MED23: variants seen among roughly 807,000 people sequenced by gnomAD.
MED23 encodes mediator of RNA polymerase II transcription subunit 23.
Under a neutral mutation model 163.9 loss-of-function variants are expected in MED23, and 105 were observed. The observed-to-expected ratio is 0.64, with a 90% confidence interval of 0.55 to 0.75. MED23 has a LOEUF of 0.75. Ranked by LOEUF, MED23 falls within the 30% of genes least tolerant of loss-of-function variation. The pLI, the probability that MED23 is intolerant of heterozygous loss-of-function variation, is 0.00. For synonymous variants in MED23, 561 were observed against 565.6 expected (o/e 0.99, Z 0.12); for missense variants, 1,054 against 1,649.0 (o/e 0.64, Z 6.25).
intron 10 of MED23, among the ~76,000 whole-genome samples, chr6:131,613,526 C>T (rs1309284616): frequency 6.6e-6 from 1 of 152,070 alleles, no homozygotes; most frequent in Non-Finnish European, 1.5e-5. Context: ...GATAAGATGA[C>T]TTGGTTATCT....
At chr6:131,593,990 A>T (rs1774850662) in intron 23 of MED23, 109 bp downstream of exon 23, 1 of 945,088 alleles carries the variant, frequency 1.1e-6, no homozygotes, top group Non-Finnish European at 1.6e-6. Context: ...ATCTTAAAAA[A>T]AATTAAAACC....
rs1776964777 is a variant in MED23, at chr6:131,619,904, G to C, written c.598-8C>G. 3 of 1,592,256 alleles carry C rather than the reference G, an allele frequency of 1.9e-6. No individual in the cohort carries two copies. Among genetic ancestry groups the C allele is most frequent in the Non-Finnish European group, 2.6e-6 (3 of 1,161,366 alleles). On this transcript the variant is annotated splice_region_variant and splice_polypyrimidine_tract_variant and intron_variant, in intron 7 of 28. Transcript: ENST00000368068. ...TACTAGGTTTCCAAGTAACTAAAGA[G>C]AGAAAGAAAGAGGGAAGTCAAATAA...
At position 131,592,856 on chromosome 6, in the gene MED23, A is replaced by G. The variant is rs1774749164; in HGVS notation, c.3398+150T>C. 6.4e-6 allele frequency: 6 copies of G among 941,424 alleles called. No homozygotes were observed. In the African/African-American group the frequency reaches 9.8e-5, roughly 15 times the overall value. The allele number at this position is 941,424 out of a possible 1,614,324, so 58.3% of individuals were successfully genotyped here. Reference sequence around the variant, plus strand: ...CCAGGGCTCATTCCATAACTCCTATATCACAAAGACAAGATCTGGAACCAG... The same window carrying G: ...CCAGGGCTCATTCCATAACTCCTATGTCACAAAGACAAGATCTGGAACCAG... On this transcript the variant is annotated intron_variant, in intron 24 of 28. Coordinates refer to ENST00000368068, the MANE Select transcript of MED23 (RefSeq NM_004830.4).
In MED23 at chr6:131,598,766, A is replaced by C; in HGVS notation, c.2221-5T>G. ...ATTATTTTGTTTGAAGAATGCCTAA[A>C]AAGAGGATTAGAAGTTTATTTCATT... is the stretch of plus-strand genomic sequence containing the variant. On this transcript the variant is annotated splice_region_variant and splice_polypyrimidine_tract_variant and intron_variant, in intron 18 of 28. Coordinates refer to ENST00000368068, the MANE Select transcript of MED23 (RefSeq NM_004830.4). The surrounding 1 kb of genome is among the most constrained non-coding windows in gnomAD (Gnocchi z 4.7). 6.2e-7 allele frequency: 1 copy of C among 1,612,748 alleles called. No homozygotes were observed. Among genetic ancestry groups the C allele is most frequent in the South Asian group, 1.1e-5 (1 of 91,058 alleles).
chr6:131,620,432 T>C (rs993605109), intron 7 of MED23, among the ~76,000 whole-genome samples, 196 bp downstream of exon 7: 12 of 152,218 alleles, frequency 7.9e-5, no homozygotes, highest in South Asian at 4.1e-4. Context: ...GCTATAGGCA[T>C]GTGCTACTAT....
At position 131,598,490 on chromosome 6, in the gene MED23, T is replaced by C. The variant is rs1585487368; in HGVS notation, c.2427-23A>G. ...ACTCTGGAAGGCAGAGAGTAAAACA[T>C]AAACTCCATTGTTGTATGGATACAA... On this transcript the variant is annotated intron_variant, in intron 19 of 28. Transcript: ENST00000368068. The surrounding 1 kb of genome is among the most constrained non-coding windows in gnomAD (Gnocchi z 4.7). The C allele has an allele frequency of 6.2e-7, 1 of 1,614,054 alleles. No individual in the cohort carries two copies. The highest frequency in any genetic ancestry group is 2.2e-5 in the East Asian group (1 of 44,846).
At chr6:131,615,079 A>G (rs1004133287) in intron 10 of MED23, among the ~76,000 whole-genome samples, 1 of 148,862 alleles carries the variant, frequency 6.7e-6, no homozygotes, top group Non-Finnish European at 1.5e-5. Flanking sequence ...AAAAAAAAAA[A>G]AAAAAAGAAA....
At position 131,591,463 on chromosome 6, in the gene MED23, G is replaced by A; in HGVS notation, c.3536C>T (p.Ser1179Phe). 6.2e-7 allele frequency: 1 copy of A among 1,613,944 alleles called. No homozygotes were observed. Among genetic ancestry groups the A allele is most frequent in the South Asian group, 1.1e-5 (1 of 91,078 alleles). Residue 1179 changes from serine (S) to phenylalanine (F), a missense_variant, in exon 26 of 29, where the codon TCT becomes TTT. Around this residue, in one of 11 missense-constraint regions of MED23, gnomAD observed 362 missense variants for 471.6 expected, o/e 0.77. Transcript: ENST00000368068. ...VSVISSPSLT[S>F]ETEWVGYPFR... ...TGGATAGCCAACCCACTCTGTTTCA[G>A]ACGTCAAGCTGGGGCTGCTGATGAC...
intron 6 of MED23, among the ~76,000 whole-genome samples, chr6:131,621,275 T>A (rs1415322795): frequency 2.0e-5 from 3 of 152,106 alleles, no homozygotes; most frequent in Admixed American, 1.3e-4. Context: ...AACGATATAG[T>A]GTATACTTCA....
In MED23 at chr6:131,593,947, T is replaced by C. The variant is rs1774846874; in HGVS notation, c.3232+152A>G. ...TTGGCATGATGCTGTTAATTTAAGA[T>C]TTCAAATCTTTACAGAGATGAAAAT... On this transcript the variant is annotated intron_variant, in intron 23 of 28. Coordinates refer to ENST00000368068, the MANE Select transcript of MED23 (RefSeq NM_004830.4). 5 of 649,120 alleles carry C rather than the reference T, an allele frequency of 7.7e-6. No individual in the cohort carries two copies. In the East Asian group the frequency reaches 1.4e-4, roughly 18 times the overall value. 40.2% of individuals were successfully genotyped at this position (649,120 alleles called of 1,614,324 possible).
intron 30 of MED23, chr6:131,579,397 T>TATC: frequency 7.7e-7 from 1 of 1,292,166 alleles, no homozygotes; most frequent in Non-Finnish European, 1.1e-6. Context: ...CTATATTTTA[T>TATC]ATCAAATTTT....
rs796051923 is a variant in MED23 at position 131,579,250 on chromosome 6, CG to C, written c.4096-4956del. The C allele has an allele frequency of 6.2e-7, 1 of 1,613,920 alleles. No individual in the cohort carries two copies. The highest frequency in any genetic ancestry group is 1.7e-5 in the Admixed American group (1 of 59,994). On this transcript the variant is annotated intron_variant, in intron 30 of 30. Coordinates refer to the MED23 transcript ENST00000354577. ...GCAAGGTGGCAGAAGTCAAGAAGAA[CG>C]GAAGAATCAGCCTGGTGCTGGGCGG...
Position 131,591,457 on chromosome 6 carries a change from G to A in MED23, c.3542C>T (p.Thr1181Ile). The change falls in exon 26 of 29, where the codon ACA becomes ATA. Residue 1181 changes from threonine (T) to isoleucine (I), a missense_variant. Around this residue, in one of 11 missense-constraint regions of MED23, gnomAD observed 362 missense variants for 471.6 expected, o/e 0.77. Coordinates refer to ENST00000368068, the MANE Select transcript of MED23 (RefSeq NM_004830.4). ...GCGGAATGGATAGCCAACCCACTCT[G>A]TTTCAGACGTCAAGCTGGGGCTGCT... ...VISSPSLTSE[T>I]EWVGYPFRLF... 1 of 1,613,940 alleles carries A rather than the reference G, an allele frequency of 6.2e-7. No individual in the cohort carries two copies. Among genetic ancestry groups the A allele is most frequent in the South Asian group, 1.1e-5 (1 of 91,068 alleles).
intron 10 of MED23, 73 bp downstream of exon 10, chr6:131,615,834 A>C (rs1776649492): frequency 2.7e-6 from 3 of 1,102,698 alleles, no homozygotes; most frequent in Non-Finnish European, 4.2e-6. Context: ...TCAGTTAGCT[A>C]TAGCAAAGAA....
In MED23 at chr6:131,596,730, T is replaced by C. The variant is rs116160976; in HGVS notation, c.2608-42A>G. 1.5e-4 allele frequency: 242 copies of C among 1,591,178 alleles called. 1 individual carries two copies. In the African/African-American group the frequency reaches 3.0e-3, roughly 20 times the overall value. ...AAAAATTATATGAAAATGTTCAACC[T>C]GTGTAAAATCATGAGGGCCATCTGA... On this transcript the variant is annotated intron_variant, in intron 20 of 28. Coordinates refer to ENST00000368068, the MANE Select transcript of MED23 (RefSeq NM_004830.4).
intron 9 of MED23, 65 bp from the exon 10 acceptor site, chr6:131,616,067 A>C (rs1776667084): frequency 5.2e-6 from 7 of 1,333,464 alleles, no homozygotes; most frequent in African/African-American, 4.3e-5. Flanking sequence ...AATTATTAGA[A>C]ATGAGATTAA....
At chr6:131,581,851 T>TA (rs1358645985), downstream of MED23, among the ~76,000 whole-genome samples, 1 of 152,198 alleles carries the variant, frequency 6.6e-6, no homozygotes, top group Non-Finnish European at 1.5e-5. Context: ...GTTTATGAAC[T>TA]AATGTATTTA....
At position 131,598,174 on chromosome 6, in the gene MED23, T is replaced by C. The variant is rs1194308510; in HGVS notation, c.2607+113A>G. On this transcript the variant is annotated intron_variant, in intron 20 of 28. Transcript: ENST00000368068. This position sits in a 1 kb window ranked among gnomAD's most constrained non-coding sequence, Gnocchi z 4.7. ...TTAGGGAAGTGACAGCAATGCTTGA[T>C]ATAGTATAAATTCATTAAATCCTTC... 4.7e-6 allele frequency: 5 copies of C among 1,056,804 alleles called. No homozygotes were observed. The highest frequency in any genetic ancestry group is 2.8e-5 in the South Asian group (2 of 72,090). The allele number at this position is 1,056,804 out of a possible 1,614,324, so 65.5% of individuals were successfully genotyped here. A position where few individuals can be genotyped will look rare whatever the true frequency, so the allele number is the denominator to read the frequency against.
intron 30 of MED23, chr6:131,576,673 G>T (rs1280155991): frequency 6.2e-7 from 1 of 1,613,806 alleles, no homozygotes; most frequent in African/African-American, 1.3e-5. Context: ...CCACGAGGAG[G>T]GGTGGAAGAA....
Sources: allele counts gnomAD v4.1 joint callset (sites outside exome capture counted in the v4.1 genomes callset), GRCh38; gene constraint gnomAD v4.1.1; regional missense constraint gnomAD v4.1.1; non-coding constraint Gnocchi (gnomAD v3.1); transcripts MANE v1.5; gene names NCBI Gene and HGNC (gene_info 2026-07-23, HGNC 2026-07-21).